RPL18: variants seen among roughly 807,000 people sequenced by gnomAD.
RPL18 encodes the protein ribosomal protein L18.
In RPL18, 4 loss-of-function variants were observed where a neutral mutation model predicts 25.0. The observed-to-expected ratio is 0.16, with a 90% CI of 0.08 to 0.37. The LOEUF (loss-of-function observed/expected upper bound fraction) is 0.37, where lower values mean the gene tolerates loss of function less well. Among genes scored for constraint, RPL18 ranks in the 10% least tolerant of loss-of-function variants. The pLI is 1.00. For synonymous variants in RPL18, 129 were observed against 101.6 expected (o/e 1.27, Z -1.62); for missense variants, 179 against 267.9 (o/e 0.67, Z 2.32).
rs547732141 is a variant in RPL18, at chr19:48,615,394, G to A, written c.545C>T (p.Ala182Val). 3.1e-6 allele frequency: 5 copies of A among 1,612,646 alleles called. No individual in the cohort carries two copies. In the Admixed American group the frequency reaches 6.7e-5, roughly 22 times the overall value. Reference protein sequence around the residue: ...RKFERARGRRASRGYKN With the variant: ...RKFERARGRRVSRGYKN ...GGGTTAGTTTTTGTAGCCTCGGCTGGCCCGTCGGCCTCTGGCACGCTCGAA... is the reference window on the plus strand; with the variant it reads ...GGGTTAGTTTTTGTAGCCTCGGCTGACCCGTCGGCCTCTGGCACGCTCGAA... The change falls in exon 7 of 7, where the codon GCC becomes GTC. Residue 182 changes from alanine to valine, a missense_variant. Physicochemically the swap from Ala to Val is moderately conservative, Grantham distance 64. Transcript: ENST00000549920.
At chr19:48,616,657 C>A (rs775171472) in intron 4 of RPL18, 69 bp downstream of exon 4, 1 of 1,068,356 alleles carries the variant, frequency 9.4e-7, no homozygotes, top group Non-Finnish European at 1.5e-6. Flanking sequence ...CACAGCACAG[C>A]ACAGCACAGC....
rs774654136 is a variant in RPL18 at position 48,618,620 on chromosome 19, T to C, written c.3+521A>G. On this transcript the variant is annotated intron_variant, in intron 1 of 6. Transcript: ENST00000549920. ...ATTATTTCTTCCCAAATTCACAAAC[T>C]TGTCAGATGAGATTACTGTGTACCC... is the stretch of plus-strand genomic sequence containing the variant. 14 of 164,186 alleles carry C rather than the reference T, an allele frequency of 8.5e-5. No homozygotes were observed. The South Asian group carries it at 9.9e-4, about 12-fold the overall frequency. The allele number at this position is 164,186 out of a possible 1,614,324, so 10.2% of individuals were successfully genotyped here. A position where few individuals can be genotyped will look rare whatever the true frequency, so the allele number is the denominator to read the frequency against.
At position 48,617,874 on chromosome 19, in the gene RPL18, C is replaced by T. The variant is rs1255974070; in HGVS notation, c.7G>A (p.Val3Met). ...CGGTCCTTGTTATGGCGGATGTCCA[C>T]TCCCTGTGGGGGTGAAGAGGCAACC... MG[V>M]DIRHNKDRKV... The change falls in exon 2 of 7, where the codon GTG (valine) becomes ATG (methionine). Residue 3 changes from valine (V) to methionine (M), a missense_variant. By Grantham distance (21) the Val-to-Met change is conservative (BLOSUM62 1). Coordinates refer to ENST00000549920, the MANE Select transcript of RPL18 (RefSeq NM_000979.4). 6.2e-7 allele frequency: 1 copy of T among 1,613,618 alleles called. No homozygotes were observed. Among genetic ancestry groups the T allele is most frequent in the Admixed American group, 1.7e-5 (1 of 59,994 alleles).
Position 48,616,838 on chromosome 19 carries a change from G to A in RPL18, c.199-14C>T. Reference sequence around the variant, plus strand: ...CATCTTCCGGATCTTAGGGTGGGGAGGATGTACGTCGTAAGTTGTTCTGGT... The same window carrying A: ...CATCTTCCGGATCTTAGGGTGGGGAAGATGTACGTCGTAAGTTGTTCTGGT... On this transcript the variant is annotated splice_polypyrimidine_tract_variant and intron_variant, in intron 3 of 6. Coordinates refer to ENST00000549920, the MANE Select transcript of RPL18 (RefSeq NM_000979.4). 1.3e-6 allele frequency: 2 copies of A among 1,593,884 alleles called. No homozygotes were observed. The highest frequency in any genetic ancestry group is 1.7e-6 in the Non-Finnish European group (2 of 1,162,344).
At chr19:48,619,024 G>A (rs1019819282) in intron 1 of RPL18, 117 bp downstream of exon 1, 1 of 1,097,974 alleles carries the variant, frequency 9.1e-7, no homozygotes, top group Non-Finnish European at 1.4e-6. Flanking sequence ...CCAGTATCGG[G>A]AATTGCTCCC....
At chr19:48,618,012 G>A (rs1366413235) in intron 1 of RPL18, 135 bp from the exon 2 acceptor site, 2 of 648,996 alleles carry the variant, frequency 3.1e-6, no homozygotes, top group Non-Finnish European at 5.5e-6. Flanking sequence ...CCACCACCAG[G>A]AGACCTGTGG....
chr19:48,616,022 G>A, intron 5 of RPL18, 57 bp downstream of exon 5: 2 of 1,613,796 alleles, frequency 1.2e-6, no homozygotes, highest in Non-Finnish European at 1.7e-6. Flanking sequence ...CCAGGAGGGT[G>A]AAGGCTGCCA....
intron 2 of RPL18, 41 bp downstream of exon 2, chr19:48,617,750 C>A (rs1568425513): frequency 6.6e-7 from 1 of 1,508,150 alleles, no homozygotes; most frequent in East Asian, 2.3e-5. Flanking sequence ...CAAGTCAGAC[C>A]TGGGGTGACC....
At position 48,619,125 on chromosome 19, in the gene RPL18, C is replaced by G. The variant is rs1473845018; in HGVS notation, c.3+16G>C. 1.2e-6 allele frequency: 2 copies of G among 1,600,680 alleles called. No homozygotes were observed. Among genetic ancestry groups the G allele is most frequent in the African/African-American group, 2.7e-5 (2 of 74,798 alleles). On this transcript the variant is annotated intron_variant, in intron 1 of 6. Transcript: ENST00000549920. ...CAGCGGATTATCCAGCCCCGAACGC[C>G]GCAAAGCGAGCTCACCATGATGGCG...
chr19:48,615,520 C>G (rs1974141344), intron 6 of RPL18, 73 bp from the exon 7 acceptor site: 1 of 1,123,806 alleles, frequency 8.9e-7, no homozygotes, highest in Non-Finnish European at 1.3e-6. Flanking sequence ...AGGAACACCA[C>G]AAGCCTGTCA....
intron 2 of RPL18, 176 bp downstream of exon 2, chr19:48,617,615 G>A (rs998197571): frequency 1.8e-5 from 12 of 684,362 alleles, no homozygotes; most frequent in African/African-American, 7.3e-5. Context: ...CTCCACTCCC[G>A]AGCTGTACAC....
At position 48,615,380 on chromosome 19, in the gene RPL18, T is replaced by G. The variant is rs775443853; in HGVS notation, c.559A>C (p.Lys187Gln). 1.2e-6 allele frequency: 2 copies of G among 1,611,902 alleles called. No homozygotes were observed. Among genetic ancestry groups the G allele is most frequent in the African/African-American group, 1.3e-5 (1 of 74,902 alleles). The change falls in exon 7 of 7, where the codon AAA becomes CAA. Residue 187 changes from lysine to glutamine, a missense_variant. Physicochemically the swap from Lys to Gln is moderately conservative, Grantham distance 53 (BLOSUM62 1). Coordinates refer to ENST00000549920, the MANE Select transcript of RPL18 (RefSeq NM_000979.4). ...GAGAGTAGGATCCAGGGTTAGTTTT[T>G]GTAGCCTCGGCTGGCCCGTCGGCCT... ...ARGRRASRGYKN is the reference protein window; with the variant it reads ...ARGRRASRGYQN
chr19:48,619,091 G>T (rs949442771), intron 1 of RPL18, 50 bp downstream of exon 1: 7 of 1,587,266 alleles, frequency 4.4e-6, no homozygotes, highest in South Asian at 1.2e-5. Context: ...CCAAAACCAC[G>T]GCGGATGGCA....
intron 5 of RPL18, 63 bp downstream of exon 5, chr19:48,616,016 G>T: frequency 6.2e-7 from 1 of 1,613,834 alleles, no homozygotes; most frequent in South Asian, 1.1e-5. Flanking sequence ...CCAGATCCAG[G>T]AGGGTGAAGG....
At chr19:48,615,694 G>C (rs1974145340) in intron 6 of RPL18, 183 bp downstream of exon 6, 1 of 666,276 alleles carries the variant, frequency 1.5e-6, no homozygotes, top group Non-Finnish European at 2.6e-6. Context: ...GCCTGCTCAG[G>C]CCCTGGAAAA....
At chr19:48,617,910 T>A (rs756723783) in intron 1 of RPL18, 33 bp from the exon 2 acceptor site, 1 of 1,507,514 alleles carries the variant, frequency 6.6e-7, no homozygotes, top group South Asian at 1.1e-5. Flanking sequence ...ATGGACCCAA[T>A]TACCCCCAAC....
chr19:48,615,553 T>A, intron 6 of RPL18, 106 bp from the exon 7 acceptor site: 3 of 916,330 alleles, frequency 3.3e-6, no homozygotes, highest in East Asian at 4.8e-5. Context: ...GGAGAGTCAA[T>A]GCTGCTGGAA....
At chr19:48,618,116 T>C (rs1974241011) in intron 1 of RPL18, 2 of 407,458 alleles carry the variant, frequency 4.9e-6, no homozygotes, top group Non-Finnish European at 8.9e-6. Flanking sequence ...AGCAATCATA[T>C]TAACTTAATA....
rs754509517 is a variant in RPL18 at position 48,615,412 on chromosome 19, C to T, written c.527G>A (p.Arg176His). Residue 176 changes from arginine (R) to histidine (H), a missense_variant, in exon 7 of 7, where the codon CGT (arginine) becomes CAT (histidine). Transcript: ENST00000549920. ...TCGGCTGGCCCGTCGGCCTCTGGCA[C>T]GCTCGAACTTCCGGCCCTTGGAGCG... The part of the protein sequence containing the change: ...YVRSKGRKFE[R>H]ARGRRASRGY... 1.4e-5 allele frequency: 23 copies of T among 1,612,964 alleles called. No homozygotes were observed. The highest frequency in any genetic ancestry group is 4.5e-5 in the East Asian group (2 of 44,880).
Sources: gnomAD v4.1 joint callset for allele counts on GRCh38, gnomAD v4.1.1 for gene constraint, MANE v1.5 for transcripts, NCBI Gene and HGNC (gene_info 2026-07-23, HGNC 2026-07-21) for gene names.